The following ZNF528 variants were observed in gnomAD, a reference collection of about 807,000 sequenced individuals.
ZNF528 encodes zinc finger protein 528.
A neutral mutation model predicts 13.3 loss-of-function variants in ZNF528; 9 were observed. The observed-to-expected ratio is 0.67, with a 90% CI of 0.41 to 1.18. The LOEUF (loss-of-function observed/expected upper bound fraction) is 1.18, where lower values mean the gene tolerates loss of function less well. Ranked by LOEUF, ZNF528 falls within the 50% of genes most tolerant of loss-of-function variation. The pLI, the probability that ZNF528 is intolerant of heterozygous loss-of-function variation, is 0.01. For missense variants in ZNF528, 858 were observed against 745.4 expected (o/e 1.15, Z -1.76); for synonymous variants, 264 against 254.3 (o/e 1.04, Z -0.36).
Position 52,416,728 on chromosome 19 carries a change from GTTCA to G in ZNF528, c.1882_1885del (p.Ser628GlufsTer22), listed in dbSNP as rs991883532. 1 of 1,580,452 alleles carries G rather than the reference GTTCA, an allele frequency of 6.3e-7. No homozygotes were observed. Among genetic ancestry groups the G allele is most frequent in the Non-Finnish European group, 8.6e-7 (1 of 1,161,768 alleles). The stretch of plus-strand genomic sequence containing the variant: ...TTCTGACCTTGCACAGCATCAGAGA[GTTCA>G]TTCATGAGAGTCCCTACAAACTGTA... On this transcript the variant is annotated frameshift_variant, in exon 7 of 7. Coordinates refer to ENST00000360465, the MANE Select transcript of ZNF528 (RefSeq NM_032423.3). LOFTEE classifies it high-confidence loss of function.
At position 52,415,280 on chromosome 19, in the gene ZNF528, C is replaced by G. The variant is rs927810602; in HGVS notation, c.428C>G (p.Ser143Cys). ...KHFEKPVSDN[S>C]SVSPLEKISS... ...TTTGAAAAACCCGTCAGTGACAATT[C>G]CTCAGTTTCACCGCTTGAAAAAATT... Residue 143 changes from serine to cysteine, a missense_variant, in exon 7 of 7, where the codon TCC (serine) becomes TGC (cysteine). Transcript: ENST00000360465. 7 of 1,613,730 alleles carry G rather than the reference C, an allele frequency of 4.3e-6. No individual in the cohort carries two copies. In the African/African-American group the frequency reaches 6.7e-5, roughly 15 times the overall value.
chr19:52,405,638 TTCTATAGAGA>T (rs2058846382), intron 4 of ZNF528, among the ~76,000 whole-genome samples: 1 of 150,142 alleles, frequency 6.7e-6, no homozygotes, highest in Non-Finnish European at 1.5e-5. Context: ...TACCTAACAC[TTCTATAGAGA>T]GAGATAACCC....
rs191616208 is a variant in ZNF528, at chr19:52,411,464, T to G, written c.272-3660T>G. 13 of 152,350 alleles carry G rather than the reference T, an allele frequency of 8.5e-5. No individual in the cohort carries two copies. In the East Asian group the frequency reaches 1.9e-3, roughly 23 times the overall value. 9.4% of individuals were successfully genotyped at this position (152,350 alleles called of 1,614,324 possible). The stretch of plus-strand genomic sequence containing the variant: ...TAATAGCTCTCAAATCATGCAGCAG[T>G]CACCGTCTTCCAGGCTTTTTTGGAA... On this transcript the variant is annotated intron_variant, in intron 6 of 6. Transcript: ENST00000360465.
At chr19:52,411,854 C>A (rs2058934951) in intron 6 of ZNF528, 1 of 152,186 alleles carries the variant, frequency 6.6e-6, no homozygotes, top group South Asian at 2.1e-4. Flanking sequence ...AAGTCTCCAC[C>A]CCATAAATTG....
At chr19:52,413,466 C>T (rs1333457485) in intron 6 of ZNF528, 6 of 152,164 alleles carry the variant, frequency 3.9e-5, no homozygotes, top group Non-Finnish European at 5.9e-5. Flanking sequence ...TAACTACACT[C>T]GTTTGTAATT....
In ZNF528 at chr19:52,405,995, A is replaced by C; in HGVS notation, c.104A>C (p.Asp35Ala). Residue 35 changes from aspartate (D) to alanine (A), a missense_variant, in exon 5 of 7, where the codon GAC (aspartate) becomes GCC (alanine). Physicochemically the swap from Asp to Ala is moderately radical, Grantham distance 126. Transcript: ENST00000360465. ...LDPAQRTLYR[D>A]VMLENYRNLV... Reference sequence around the variant, plus strand: ...CCTGCGCAGAGGACTTTATACAGGGACGTGATGTTGGAGAATTATAGGAAC... The same window carrying C: ...CCTGCGCAGAGGACTTTATACAGGGCCGTGATGTTGGAGAATTATAGGAAC... The C allele has an allele frequency of 6.2e-7, 1 of 1,611,702 alleles. No homozygotes were observed. Among genetic ancestry groups the C allele is most frequent in the Non-Finnish European group, 8.5e-7 (1 of 1,178,368 alleles).
Position 52,417,879 on chromosome 19 carries a change from G to C in ZNF528, c.*1140G>C, listed in dbSNP as rs897043078. 2 of 151,930 alleles carry C rather than the reference G, an allele frequency of 1.3e-5. No homozygotes were observed. The highest frequency in any genetic ancestry group is 6.6e-5 in the Admixed American group (1 of 15,254). The allele number at this position is 151,930 out of a possible 1,614,324, so 9.4% of individuals were successfully genotyped here. A position where few individuals can be genotyped will look rare whatever the true frequency, so the allele number is the denominator to read the frequency against. ...GATATGTTCACCTCAGCCTCCCAAA[G>C]TGCTGGGATTACAGGCATGAACCAT... On this transcript the variant is annotated 3_prime_UTR_variant, in exon 7 of 7. Transcript: ENST00000360465.
rs141013163 is a variant in ZNF528 at position 52,405,974 on chromosome 19, C to T, written c.83C>T (p.Ala28Val). ...GAAGAGTGGAAATGCCTGGACCCTG[C>T]GCAGAGGACTTTATACAGGGACGTG... ...SQEEWKCLDPAQRTLYRDVML... is the reference protein window; with the variant it reads ...SQEEWKCLDPVQRTLYRDVML... Residue 28 changes from alanine (A) to valine (V), a missense_variant, in exon 5 of 7, where the codon GCG (alanine) becomes GTG (valine). Transcript: ENST00000360465. 2.7e-3 allele frequency: 4,347 copies of T among 1,612,022 alleles called. 6 individuals carry two copies. Among genetic ancestry groups the T allele is most frequent in the Non-Finnish European group, 3.2e-3 (3,728 of 1,178,542 alleles).
chr19:52,406,274 A>G (rs1023039030), intron 5 of ZNF528, among the ~76,000 whole-genome samples: 21 of 152,288 alleles, frequency 1.4e-4, no homozygotes, highest in Middle Eastern at 3.4e-3. Context: ...CCTTATGACA[A>G]ACTTTAAAAA....
intron 6 of ZNF528, among the ~76,000 whole-genome samples, chr19:52,409,751 G>C (rs183643706): frequency 6.1e-4 from 93 of 151,364 alleles, no homozygotes; most frequent in Non-Finnish European, 1.0e-3. Flanking sequence ...GTCTTTCTCT[G>C]TTACCCAGGG....
At chr19:52,407,155 A>G (rs2058867789) in intron 6 of ZNF528, among the ~76,000 whole-genome samples, 1 of 146,006 alleles carries the variant, frequency 6.8e-6, no homozygotes, top group African/African-American at 2.6e-5. Flanking sequence ...CATGTTACAC[A>G]GGCTAGTGTT....
intron 6 of ZNF528, among the ~76,000 whole-genome samples, chr19:52,410,600 G>A (rs1015147002): frequency 2.6e-5 from 4 of 152,112 alleles, no homozygotes; most frequent in Admixed American, 6.5e-5. Flanking sequence ...TCAGGCCATC[G>A]GCTCCCTACA....
rs2058755495 is a variant in ZNF528, at chr19:52,398,521, G to A, written c.-235G>A. On this transcript the variant is annotated 5_prime_UTR_variant, in exon 2 of 7. It adds an upstream start codon to the 5' untranslated region. Coordinates refer to ENST00000360465, the MANE Select transcript of ZNF528 (RefSeq NM_032423.3). ...TTATTCCAATCCCCTCCCTGTGAATGTGTGGAGAAAAAGAGATGGGAACGA... is the reference window on the plus strand; with the variant it reads ...TTATTCCAATCCCCTCCCTGTGAATATGTGGAGAAAAAGAGATGGGAACGA... The A allele has an allele frequency of 1.1e-6, 1 of 949,182 alleles. No individual in the cohort carries two copies. Among genetic ancestry groups the A allele is most frequent in the Non-Finnish European group, 1.3e-6 (1 of 796,964 alleles). The allele number at this position is 949,182 out of a possible 1,614,324, so 58.8% of individuals were successfully genotyped here.
In ZNF528 at chr19:52,405,942, C is replaced by A; in HGVS notation, c.51C>A (p.Phe17Leu). 1 of 1,611,790 alleles carries A rather than the reference C, an allele frequency of 6.2e-7. No individual in the cohort carries two copies. Among genetic ancestry groups the A allele is most frequent in the Non-Finnish European group, 8.5e-7 (1 of 1,178,426 alleles). Residue 17 changes from phenylalanine (F) to leucine (L), a missense_variant, in exon 5 of 7, where the codon TTC (phenylalanine) becomes TTA (leucine). Physicochemically the swap from Phe to Leu is conservative, Grantham distance 22. Transcript: ENST00000360465. ...AATTCATGGATGTGGCCATAGAGTTCTCTCAGGAAGAGTGGAAATGCCTGG... is the reference window on the plus strand; with the variant it reads ...AATTCATGGATGTGGCCATAGAGTTATCTCAGGAAGAGTGGAAATGCCTGG... The part of the protein sequence containing the change: ...PLKFMDVAIE[F>L]SQEEWKCLDP...
At chr19:52,409,743 CT>C (rs1369746079) in intron 6 of ZNF528, among the ~76,000 whole-genome samples, 1 of 151,054 alleles carries the variant, frequency 6.6e-6, no homozygotes, top group African/African-American at 2.4e-5. Flanking sequence ...GAGATGGAGT[CT>C]TTCTCTGTTA....
rs138189799 is a variant in ZNF528, at chr19:52,416,310, T to A, written c.1458T>A (p.Ile486=). ...CTTCTCTAACCAGTCATCATAGAAT[T>A]CATACTGGAGAGAAGCCTTACAAAT... ...YKSSLTSHHR[I]HTGEKPYKCN... is the part of the protein sequence containing the mutation. The change falls in exon 7 of 7, where the codon ATT becomes ATA. Residue 486 remains isoleucine (I), a synonymous_variant. Coordinates refer to ENST00000360465, the MANE Select transcript of ZNF528 (RefSeq NM_032423.3). The A allele has an allele frequency of 1.4e-3, 2,276 of 1,614,062 alleles. 3 individuals carry two copies. The highest frequency in any genetic ancestry group is 1.5e-3 in the Non-Finnish European group (1,797 of 1,179,980).
intron 4 of ZNF528, among the ~76,000 whole-genome samples, chr19:52,402,229 A>T (rs2058802772): frequency 6.6e-6 from 1 of 152,076 alleles, no homozygotes; most frequent in African/African-American, 2.4e-5. Flanking sequence ...AAGAGGCTGC[A>T]CTGGGCATGG....
intron 5 of ZNF528, 39 bp downstream of exon 5, chr19:52,406,072 G>A (rs143434257): frequency 6.3e-7 from 1 of 1,586,694 alleles, no homozygotes; most frequent in Admixed American, 1.8e-5. Flanking sequence ...GATCTGCCCT[G>A]GTGGATCTCT....
rs993539988 is a variant in ZNF528, at chr19:52,417,895, C to T, written c.*1156C>T. 4 of 152,206 alleles carry T rather than the reference C, an allele frequency of 2.6e-5. No homozygotes were observed. The highest frequency in any genetic ancestry group is 7.2e-5 in the African/African-American group (3 of 41,436). The allele number at this position is 152,206 out of a possible 1,614,324, so 9.4% of individuals were successfully genotyped here. A position where few individuals can be genotyped will look rare whatever the true frequency, so the allele number is the denominator to read the frequency against. On this transcript the variant is annotated 3_prime_UTR_variant, in exon 7 of 7. Transcript: ENST00000360465. ...CCTCCCAAAGTGCTGGGATTACAGG[C>T]ATGAACCATGGTGCCCAGCCTCATT...
Sources: gnomAD v4.1 joint callset for allele counts (sites outside exome capture counted in the v4.1 genomes callset) on GRCh38, gnomAD v4.1.1 for gene constraint, MANE v1.5 for transcripts, NCBI Gene and HGNC (gene_info 2026-07-23, HGNC 2026-07-21) for gene names.